The following COL5A1 variants were observed in gnomAD, a reference collection of about 807,000 sequenced individuals.
The protein encoded by COL5A1 is collagen type V alpha 1 chain, also known as collagen alpha-1(V) chain.
In COL5A1, 16 loss-of-function variants were observed where a neutral mutation model predicts 263.7. The ratio of observed to expected loss-of-function variants is 0.06; its 90% CI spans 0.04 to 0.09. The LOEUF (loss-of-function observed/expected upper bound fraction) is 0.09. Ranked by LOEUF, COL5A1 falls within the 10% of genes least tolerant of loss-of-function variation. COL5A1 has a pLI of 1.00. For synonymous variants in COL5A1, 1,012 were observed against 1,004.5 expected, an observed-to-expected ratio of 1.01 and a Z score of -0.14; for missense variants, 2,036 against 2,540.5, an observed-to-expected ratio of 0.80 and a Z score of 4.27.
At chr9:134,768,587 T>C (rs1205880672) in intron 25 of COL5A1, 124 bp downstream of exon 25, 7 of 975,368 alleles carry the variant, frequency 7.2e-6, no homozygotes, top group African/African-American at 3.2e-5. Context: ...GCTCTGTTGA[T>C]GAAGACCCGT....
At chr9:134,837,562 G>T (rs1318715411) in intron 65 of COL5A1, among the ~76,000 whole-genome samples, 1 of 151,736 alleles carries the variant, frequency 6.6e-6, no homozygotes, top group Non-Finnish European at 1.5e-5. Flanking sequence ...AGAAGTCTTC[G>T]GCAATGCTTT....
At chr9:134,710,591 G>A (rs1168933542) in intron 4 of COL5A1, among the ~76,000 whole-genome samples, 1 of 137,390 alleles carries the variant, frequency 7.3e-6, no homozygotes, top group Non-Finnish European at 1.6e-5. Context: ...CAGTGGTGGG[G>A]GGGCCCATTT....
At chr9:134,701,368 C>G (rs551170408) in intron 4 of COL5A1, 35 bp downstream of exon 4, 3 of 1,598,698 alleles carry the variant, frequency 1.9e-6, no homozygotes, top group Non-Finnish European at 2.6e-6. Flanking sequence ...CTGTGCCCAC[C>G]AGGGCACTCC....
chr9:134,697,237 C>G (rs12379870), intron 2 of COL5A1, among the ~76,000 whole-genome samples: 7 of 152,138 alleles, frequency 4.6e-5, no homozygotes, highest in African/African-American at 1.4e-4. Context: ...TGTCATGACT[C>G]GAATGGGCCA....
intron 1 of COL5A1, among the ~76,000 whole-genome samples, chr9:134,688,147 C>T (rs569343423): frequency 1.2e-4 from 18 of 152,354 alleles, no homozygotes; most frequent in Admixed American, 2.0e-4. Context: ...TGGGAAAGGT[C>T]TGGTGGCCTC....
intron 4 of COL5A1, among the ~76,000 whole-genome samples, chr9:134,703,809 T>G (rs968033314): frequency 1.3e-5 from 2 of 151,910 alleles, no homozygotes; most frequent in African/African-American, 4.8e-5. Context: ...AGCTAATTTT[T>G]TTTGTATTTT....
intron 2 of COL5A1, among the ~76,000 whole-genome samples, chr9:134,694,103 G>A (rs891708771): frequency 2.0e-5 from 3 of 152,362 alleles, no homozygotes; most frequent in South Asian, 4.1e-4. Context: ...GGCGAGAGGG[G>A]AAGCCCGCAT....
intron 1 of COL5A1, among the ~76,000 whole-genome samples, chr9:134,658,213 G>A (rs1368507748): frequency 6.6e-6 from 1 of 152,084 alleles, no homozygotes; most frequent in African/African-American, 2.4e-5. Flanking sequence ...GTGGTGGTGG[G>A]CAGCTCGCCC....
intron 58 of COL5A1, among the ~76,000 whole-genome samples, chr9:134,820,769 G>A (rs1328872855): frequency 6.6e-6 from 1 of 152,180 alleles, no homozygotes; most frequent in African/African-American, 2.4e-5. Flanking sequence ...GGCCTGGGGA[G>A]GGTGACGTGT....
intron 63 of COL5A1, among the ~76,000 whole-genome samples, chr9:134,826,617 T>G (rs1378032447): frequency 4.5e-5 from 6 of 134,672 alleles, no homozygotes; most frequent in African/African-American, 1.9e-4. Flanking sequence ...ATGGTGTGTG[T>G]GTAGATGGCA....
intron 33 of COL5A1, 39 bp downstream of exon 33, chr9:134,795,165 G>A (rs549396564): frequency 3.7e-5 from 59 of 1,613,890 alleles, no homozygotes; most frequent in South Asian, 2.6e-4. Context: ...TTTGGGAAAC[G>A]GGAGCATGGT....
At position 134,818,958 on chromosome 9, in the gene COL5A1, C is replaced by G; in HGVS notation, c.4393-42C>G. On this transcript the variant is annotated intron_variant, in intron 56 of 65. Coordinates refer to ENST00000371817, the MANE Select transcript of COL5A1 (RefSeq NM_000093.5). This position sits in a 1 kb window ranked among gnomAD's most constrained non-coding sequence, Gnocchi z 6.0. ...GGTGGGATGACTTCGCCACCCAAAG[C>G]CCCAAGGATGAGGACTCTGATCCCC... is the stretch of plus-strand genomic sequence containing the variant. 1 of 1,613,098 alleles carries G rather than the reference C, an allele frequency of 6.2e-7. No homozygotes were observed. Among genetic ancestry groups the G allele is most frequent in the Non-Finnish European group, 8.5e-7 (1 of 1,179,726 alleles).
intron 4 of COL5A1, among the ~76,000 whole-genome samples, chr9:134,706,627 C>A (rs1345350942): frequency 6.6e-6 from 1 of 152,210 alleles, no homozygotes; most frequent in African/African-American, 2.4e-5. Context: ...AACATGACAG[C>A]AGATTGGGAC....
intron 58 of COL5A1, among the ~76,000 whole-genome samples, chr9:134,820,946 G>A (rs1360953904): frequency 2.0e-5 from 3 of 152,200 alleles, no homozygotes; most frequent in Non-Finnish European, 2.9e-5. Flanking sequence ...TGCCTCATAG[G>A]ATGCGGGGGA....
At chr9:134,685,452 C>CCTCCCATT in intron 1 of COL5A1, among the ~76,000 whole-genome samples, 2 of 15,626 alleles carry the variant, frequency 1.3e-4, no homozygotes, top group Non-Finnish European at 2.8e-4. Context: ...TGTCCATCAT[C>CCTCCCATT]CATCCATCCA....
At position 134,801,871 on chromosome 9, in the gene COL5A1, G is replaced by C. The variant is rs564121794; in HGVS notation, c.2953-83G>C. The stretch of plus-strand genomic sequence containing the variant: ...ACTCTGGGGGGAAGGGAGGTGGGGG[G>C]CAAGCGTCCTGCTGAGAACAGTGCA... On this transcript the variant is annotated intron_variant, in intron 37 of 65. Coordinates refer to ENST00000371817, the MANE Select transcript of COL5A1 (RefSeq NM_000093.5). 87 of 1,111,610 alleles carry C rather than the reference G, an allele frequency of 7.8e-5. 1 individual carries two copies. The highest frequency in any genetic ancestry group is 4.0e-6 in the Non-Finnish European group (3 of 754,856). 68.9% of individuals were successfully genotyped at this position (1,111,610 alleles called of 1,614,324 possible).
rs75872333 is a variant in COL5A1 at position 134,765,242 on chromosome 9, A to G, written c.2035-439A>G. Among the ~76,000 whole-genome samples, 9,004 of 152,210 alleles carry G rather than the reference A, an allele frequency of 0.059. 343 individuals carry two copies. Among genetic ancestry groups the G allele is most frequent in the Middle Eastern group, 0.099 (29 of 294 alleles). On this transcript the variant is annotated intron_variant, in intron 20 of 65. Transcript: ENST00000371817. This position sits in a 1 kb window ranked among gnomAD's most constrained non-coding sequence, Gnocchi z 5.1. The stretch of plus-strand genomic sequence containing the variant: ...TGCCCGCACCCTCTGACCCTGTGAT[A>G]TCATAAAAACAATCGTATGTCGCTG...
At chr9:134,715,344 G>A (rs1332291160) in intron 4 of COL5A1, among the ~76,000 whole-genome samples, 2 of 152,170 alleles carry the variant, frequency 1.3e-5, no homozygotes, top group African/African-American at 4.8e-5. Context: ...CAGTAGATGG[G>A]ATATACAATC....
rs1303545938 is a variant in COL5A1, at chr9:134,677,394, T to A, written c.110-13518T>A. 7.2e-5 allele frequency among the ~76,000 whole-genome samples: 11 copies of A among 152,068 alleles called. No individual in the cohort carries two copies. The highest frequency in any genetic ancestry group is 2.9e-5 in the Non-Finnish European group (2 of 68,022). ...CCTTGTGCTGGGTTCCACTGAGCAT[T>A]TCAGGACAGCAGGAGAGGTTTCTCA... On this transcript the variant is annotated intron_variant, in intron 1 of 65. Coordinates refer to ENST00000371817, the MANE Select transcript of COL5A1 (RefSeq NM_000093.5). The surrounding 1 kb of genome is among the most constrained non-coding windows in gnomAD (Gnocchi z 4.4).
Sources: gnomAD v4.1 joint callset for allele counts (sites outside exome capture counted in the v4.1 genomes callset) on GRCh38, gnomAD v4.1.1 for gene constraint, Gnocchi (gnomAD v3.1) non-coding constraint, MANE v1.5 for transcripts, NCBI Gene and HGNC (gene_info 2026-07-23, HGNC 2026-07-21) for gene names.